Variants in SIMC1 observed in about 807,000 individuals in gnomAD.
SIMC1 encodes SUMO interacting motifs containing 1, also known as SUMO-interacting motif-containing protein 1.
SIMC1 carries 55 observed loss-of-function variants against 82.3 expected under a neutral mutation model. The ratio of observed to expected loss-of-function variants is 0.67; its 90% CI spans 0.54 to 0.84. The LOEUF (loss-of-function observed/expected upper bound fraction) is 0.84, where lower values mean the gene tolerates loss of function less well. SIMC1 is among the 40% of genes least tolerant of loss of function. The pLI is 0.00. For missense variants in SIMC1, 915 were observed against 1,107.2 expected (o/e 0.83, Z 2.46); for synonymous variants, 353 against 426.3 (o/e 0.83, Z 2.12).
intron 1 of SIMC1, among the ~76,000 whole-genome samples, chr5:176,274,434 A>T (rs1480052921): frequency 1.3e-5 from 2 of 151,390 alleles, no homozygotes; most frequent in African/African-American, 4.8e-5. Flanking sequence ...GGTTGCAAAA[A>T]TTTTCTCCAA....
chr5:176,271,781 C>T (rs72645796), intron 1 of SIMC1, among the ~76,000 whole-genome samples: 5 of 149,458 alleles, frequency 3.3e-5, no homozygotes, highest in African/African-American at 7.4e-5. Flanking sequence ...ACCCATTTAC[C>T]CTGATGTGAT....
At chr5:176,274,418 T>C (rs1407421625) in intron 1 of SIMC1, among the ~76,000 whole-genome samples, 4 of 151,834 alleles carry the variant, frequency 2.6e-5, no homozygotes, top group African/African-American at 9.7e-5. Context: ...CTTTGTCAGA[T>C]GAGTAGGTTG....
chr5:176,324,660 A>G lies in SIMC1; in HGVS notation c.2074A>G (p.Ile692Val), dbSNP rs1029513719. 3 of 1,611,130 alleles carry G rather than the reference A, an allele frequency of 1.9e-6. No homozygotes were observed. The highest frequency in any genetic ancestry group is 2.5e-6 in the Non-Finnish European group (3 of 1,178,684). Reference protein sequence around the residue: ...IVCQLQRMLSIAVEVDRTPTC... With the variant: ...IVCQLQRMLSVAVEVDRTPTC... ...GTGCCAGCTTCAGAGGATGCTCTCCATAGCCGTAGAGGTGGACAGGACCCC... is the reference window on the plus strand; with the variant it reads ...GTGCCAGCTTCAGAGGATGCTCTCCGTAGCCGTAGAGGTGGACAGGACCCC... Residue 692 changes from isoleucine (I) to valine (V), a missense_variant, in exon 7 of 10, where the codon ATA (isoleucine) becomes GTA (valine). Physicochemically the swap from Ile to Val is conservative, Grantham distance 29 (BLOSUM62 3). Coordinates refer to ENST00000429602, the MANE Select transcript of SIMC1 (RefSeq NM_001308195.2).
intron 7 of SIMC1, among the ~76,000 whole-genome samples, chr5:176,325,363 G>T (rs1765343233): frequency 6.6e-6 from 1 of 151,852 alleles, no homozygotes; most frequent in South Asian, 2.1e-4. Flanking sequence ...TCCAGCCTGG[G>T]TGACAGAGTG....
At chr5:176,247,784 T>C (rs1201584602) in intron 1 of SIMC1, among the ~76,000 whole-genome samples, 1 of 151,778 alleles carries the variant, frequency 6.6e-6, no homozygotes, top group East Asian at 1.9e-4. Flanking sequence ...AATTTTTGTA[T>C]AAGGTGTAAG....
intron 3 of SIMC1, 136 bp downstream of exon 3, chr5:176,295,398 A>G: frequency 7.0e-7 from 1 of 1,419,574 alleles, no homozygotes; most frequent in Admixed American, 2.8e-5. Context: ...TTGAATTGCA[A>G]ATGATAGGAA....
chr5:176,333,953 T>G (rs1412779808), intron 7 of SIMC1, among the ~76,000 whole-genome samples: 1 of 149,886 alleles, frequency 6.7e-6, no homozygotes, highest in East Asian at 1.9e-4. Context: ...TATTATTGGT[T>G]TTTTTTTTTT....
chr5:176,307,423 CAG>C (rs1764472108), intron 4 of SIMC1, among the ~76,000 whole-genome samples: 1 of 152,126 alleles, frequency 6.6e-6, no homozygotes, highest in Non-Finnish European at 1.5e-5. Flanking sequence ...TTTTTTGAGA[CAG>C]AGTCTTGCTC....
intron 4 of SIMC1, among the ~76,000 whole-genome samples, chr5:176,306,384 G>A (rs1237686355): frequency 7.8e-6 from 1 of 128,540 alleles, no homozygotes; most frequent in Non-Finnish European, 1.8e-5. Context: ...GAGCCCCTCT[G>A]CCCGACCACC....
chr5:176,288,449 A>ATAAATAAATAAT lies in SIMC1; in HGVS notation c.130-1196_130-1195insAATTAAATAAAT, dbSNP rs1286491397. ...AATAAATAAATAAATAAATAAATAAATAAATAAATGGGAGAGACCTGGTGA... is the reference window on the plus strand; with the variant it reads ...AATAAATAAATAAATAAATAAATAAATAAATAAATAATTAAATAAATGGGAGAGACCTGGTGA... On this transcript the variant is annotated intron_variant, in intron 1 of 9. Transcript: ENST00000429602. Among the ~76,000 whole-genome samples, 225 of 148,422 alleles carry ATAAATAAATAAT rather than the reference A, an allele frequency of 1.5e-3. 1 individual carries two copies. The highest frequency in any genetic ancestry group is 1.4e-3 in the Non-Finnish European group (91 of 66,490).
chr5:176,255,573 C>T (rs1761825346), intron 1 of SIMC1, among the ~76,000 whole-genome samples: 2 of 108,890 alleles, frequency 1.8e-5, no homozygotes, highest in African/African-American at 3.6e-5. Flanking sequence ...CAGAGTGAGA[C>T]TGTCTTTTTT....
chr5:176,315,706 C>T (rs1036742374), intron 5 of SIMC1, among the ~76,000 whole-genome samples: 3 of 152,180 alleles, frequency 2.0e-5, no homozygotes, highest in Admixed American at 1.3e-4. Flanking sequence ...ACAAGGAGGA[C>T]GTTTCGTTAT....
At chr5:176,243,078 T>C (rs1025036624) in intron 1 of SIMC1, among the ~76,000 whole-genome samples, 4 of 151,930 alleles carry the variant, frequency 2.6e-5, no homozygotes, top group Non-Finnish European at 5.9e-5. Context: ...GGACCAGAGG[T>C]GAACAAGATG....
At chr5:176,311,026 C>T (rs1250443143) in intron 4 of SIMC1, among the ~76,000 whole-genome samples, 1 of 152,052 alleles carries the variant, frequency 6.6e-6, no homozygotes, top group Non-Finnish European at 1.5e-5. Flanking sequence ...TTAGAAAAGG[C>T]AGATCTAGAG....
chr5:176,303,325 A>ATTT (rs374155075), intron 4 of SIMC1, among the ~76,000 whole-genome samples: 2,498 of 123,118 alleles, frequency 0.02, 61 homozygotes, highest in Middle Eastern at 0.052. Context: ...AGCCAAAGCA[A>ATTT]TTTTTTTTTT....
At chr5:176,307,110 C>G (rs996913989) in intron 4 of SIMC1, among the ~76,000 whole-genome samples, 2 of 151,996 alleles carry the variant, frequency 1.3e-5, no homozygotes, top group African/African-American at 2.4e-5. Flanking sequence ...TGCAATGTCA[C>G]CTCATACCAA....
rs75581122 is a variant in SIMC1 at position 176,330,918 on chromosome 5, A to G, written c.2172-5802A>G. ...TACAATGGAGACACTACCATAGTCA[A>G]GTGATCAAAGTTCACACCAACAATG... On this transcript the variant is annotated intron_variant, in intron 7 of 9. Transcript: ENST00000429602. 2.5e-3 allele frequency among the ~76,000 whole-genome samples: 374 copies of G among 152,340 alleles called. 1 individual carries two copies. Among genetic ancestry groups the G allele is most frequent in the Middle Eastern group, 0.01 (3 of 294 alleles).
chr5:176,246,407 G>T (rs1288032793), intron 1 of SIMC1, among the ~76,000 whole-genome samples: 2 of 136,970 alleles, frequency 1.5e-5, no homozygotes, highest in African/African-American at 5.5e-5. Flanking sequence ...ATAGTTCAGG[G>T]GTGTGTGTGT....
intron 5 of SIMC1, among the ~76,000 whole-genome samples, chr5:176,319,216 A>G (rs987631295): frequency 6.6e-6 from 1 of 152,332 alleles, no homozygotes; most frequent in Non-Finnish European, 1.5e-5. Flanking sequence ...AAATGTGCTT[A>G]TCCTAGGTTT....
Sources: allele counts gnomAD v4.1 joint callset (sites outside exome capture counted in the v4.1 genomes callset), GRCh38; gene constraint gnomAD v4.1.1; transcripts MANE v1.5; gene names NCBI Gene and HGNC (gene_info 2026-07-23, HGNC 2026-07-21).